Variants in PLEKHA5 observed in about 807,000 individuals in gnomAD.
PLEKHA5 encodes pleckstrin homology domain containing A5, also known as pleckstrin homology domain-containing family A member 5.
In PLEKHA5, 55 loss-of-function variants were observed where a neutral mutation model predicts 181.9. The observed-to-expected ratio is 0.30, with a 90% CI of 0.24 to 0.38. The LOEUF (loss-of-function observed/expected upper bound fraction) is 0.38. Among genes scored for constraint, PLEKHA5 ranks in the 10% least tolerant of loss-of-function variants. The pLI, the probability that PLEKHA5 is intolerant of heterozygous loss-of-function variation, is 1.00. For synonymous variants in PLEKHA5, 535 were observed against 529.4 expected (o/e 1.01, Z -0.15); for missense variants, 1,432 against 1,549.5 (o/e 0.92, Z 1.27).
chr12:19,182,470 G>A (rs545546302), intron 3 of PLEKHA5, among the ~76,000 whole-genome samples: 1 of 152,246 alleles, frequency 6.6e-6, no homozygotes, highest in South Asian at 2.1e-4. Context: ...GAACCAAGGT[G>A]GTTTTAGGAA....
chr12:19,235,583 T>C (rs1415471127), intron 3 of PLEKHA5, among the ~76,000 whole-genome samples: 1 of 152,146 alleles, frequency 6.6e-6, no homozygotes, highest in Non-Finnish European at 1.5e-5. Flanking sequence ...CATTATTATG[T>C]TTATTTTCTG....
At chr12:19,177,101 C>G (rs1380804608) in intron 3 of PLEKHA5, among the ~76,000 whole-genome samples, 3 of 152,066 alleles carry the variant, frequency 2.0e-5, no homozygotes, top group African/African-American at 7.2e-5. Flanking sequence ...CTCCTGACCT[C>G]GTGATCTACC....
intron 20 of PLEKHA5, among the ~76,000 whole-genome samples, chr12:19,333,940 A>G (rs1380337463): frequency 6.6e-6 from 1 of 152,114 alleles, no homozygotes; most frequent in African/African-American, 2.4e-5. Context: ...ATAGCCTGGC[A>G]TTCTCTACTT....
At position 19,261,035 on chromosome 12, in the gene PLEKHA5, A is replaced by ACTG; in HGVS notation, c.610+15_610+17dup. 6.8e-7 allele frequency: 1 copy of ACTG among 1,463,704 alleles called. No homozygotes were observed. Among genetic ancestry groups the ACTG allele is most frequent in the South Asian group, 1.2e-5 (1 of 83,656 alleles). The allele number at this position is 1,463,704 out of a possible 1,614,324, so 90.7% of individuals were successfully genotyped here. On this transcript the variant is annotated intron_variant, in intron 7 of 31. Transcript: ENST00000429027. The stretch of plus-strand genomic sequence containing the variant: ...TTTATTATAGAGGTAAGTTTACCCT[A>ACTG]CTGTCTTAGTGTATTATTTTGTAAT...
chr12:19,198,290 C>T (rs2053412092), intron 3 of PLEKHA5, among the ~76,000 whole-genome samples: 1 of 152,210 alleles, frequency 6.6e-6, no homozygotes, highest in Non-Finnish European at 1.5e-5. Context: ...GTTTTCCTCT[C>T]ACCCTACCAT....
chr12:19,274,043 T>C (rs1016439160), intron 10 of PLEKHA5, among the ~76,000 whole-genome samples: 2 of 152,186 alleles, frequency 1.3e-5, no homozygotes, highest in African/African-American at 4.8e-5. Context: ...GAGTTAATTA[T>C]ATGGTTCAGA....
chr12:19,132,773 C>CTTTTT (rs59992820), intron 3 of PLEKHA5, among the ~76,000 whole-genome samples: 4 of 112,122 alleles, frequency 3.6e-5, no homozygotes, highest in Non-Finnish European at 3.4e-5. Context: ...CCACAATTAC[C>CTTTTT]TTTTTTTTTT....
intron 28 of PLEKHA5, among the ~76,000 whole-genome samples, chr12:19,360,880 C>G (rs374651707): frequency 1.4e-3 from 212 of 151,968 alleles, no homozygotes; most frequent in Middle Eastern, 3.4e-3. Context: ...CTTAGCCTCC[C>G]AAGTAGCTAG....
At chr12:19,223,810 G>C (rs2059325382) in intron 3 of PLEKHA5, among the ~76,000 whole-genome samples, 1 of 152,146 alleles carries the variant, frequency 6.6e-6, no homozygotes, top group African/African-American at 2.4e-5. Flanking sequence ...CCTTCACTGT[G>C]AGGGAGGAAG....
At chr12:19,249,386 T>C (rs2152508210) in intron 3 of PLEKHA5, among the ~76,000 whole-genome samples, 1 of 152,148 alleles carries the variant, frequency 6.6e-6, no homozygotes, top group East Asian at 1.9e-4. Context: ...GCATCGACAG[T>C]TTAGAGACAC....
At position 19,269,774 on chromosome 12, in the gene PLEKHA5, C is replaced by T. The variant is rs1329669569; in HGVS notation, c.716C>T (p.Ala239Val). 3.9e-6 allele frequency: 6 copies of T among 1,533,910 alleles called. No individual in the cohort carries two copies. The highest frequency in any genetic ancestry group is 4.5e-6 in the Non-Finnish European group (5 of 1,113,512). The change falls in exon 9 of 32, where the codon GCC becomes GTC. Residue 239 changes from alanine (A) to valine (V), a missense_variant. Around this residue, in one of 2 missense-constraint regions of PLEKHA5, gnomAD observed 289 missense variants for 381.1 expected, o/e 0.76. Coordinates refer to ENST00000429027, the MANE Select transcript of PLEKHA5 (RefSeq NM_001256470.2). ...GATCGTGTCATTTTCAATCAGGCAG[C>T]CCATCCAAACATGCGGACCTATTAT... is the stretch of plus-strand genomic sequence containing the variant. ...HINRKYAFKA[A>V]HPNMRTYYFC... is the part of the protein sequence containing the mutation.
chr12:19,283,121 T>G (rs1684462835), intron 11 of PLEKHA5, among the ~76,000 whole-genome samples, 159 bp from the exon 12 acceptor site: 1 of 109,762 alleles, frequency 9.1e-6, no homozygotes, highest in Non-Finnish European at 1.7e-5. Flanking sequence ...CACTCCAGCT[T>G]GGGCAACAGA....
chr12:19,358,561 A>G, intron 27 of PLEKHA5, 124 bp downstream of exon 27: 1 of 625,322 alleles, frequency 1.6e-6, no homozygotes. Flanking sequence ...TATATTATTT[A>G]ATTCTCCTAA....
At chr12:19,254,406 C>G (rs970936091) in intron 4 of PLEKHA5, among the ~76,000 whole-genome samples, 1 of 152,132 alleles carries the variant, frequency 6.6e-6, no homozygotes, top group African/African-American at 2.4e-5. Flanking sequence ...TACTATAAAG[C>G]TATTCACAGA....
At chr12:19,284,165 C>G (rs1453300844) in intron 12 of PLEKHA5, among the ~76,000 whole-genome samples, 2 of 152,036 alleles carry the variant, frequency 1.3e-5, no homozygotes, top group Non-Finnish European at 2.9e-5. Context: ...GCCTCCCGGG[C>G]TCAAGCGATT....
At chr12:19,264,991 A>C (rs2069831650) in intron 7 of PLEKHA5, among the ~76,000 whole-genome samples, 2 of 152,184 alleles carry the variant, frequency 1.3e-5, no homozygotes, top group South Asian at 4.1e-4. Flanking sequence ...TGTCAAGATT[A>C]ATGTTTATCA....
chr12:19,233,313 C>T (rs561994893), intron 3 of PLEKHA5, among the ~76,000 whole-genome samples: 1 of 152,118 alleles, frequency 6.6e-6, no homozygotes, highest in African/African-American at 2.4e-5. Flanking sequence ...TTTTCTCGTA[C>T]TAGTATTTTT....
Position 19,347,126 on chromosome 12 carries a change from C to G in PLEKHA5, c.2842C>G (p.Pro948Ala), listed in dbSNP as rs371972893. 1 of 1,549,796 alleles carries G rather than the reference C, an allele frequency of 6.5e-7. No homozygotes were observed. The highest frequency in any genetic ancestry group is 2.4e-5 in the East Asian group (1 of 40,880). The change falls in exon 24 of 32, where the codon CCT (proline) becomes GCT (alanine). Residue 948 changes from proline to alanine, a missense_variant. By Grantham distance (27) the Pro-to-Ala change is conservative. This residue lies in a region of PLEKHA5 where 1,143 missense variants were observed against 1,168.4 expected (regional missense o/e 0.98). Transcript: ENST00000429027. The part of the protein sequence containing the change: ...LCYSRGPVHL[P>A]EEKKMYQVQG... ...TTATAGCAGGGGCCCAGTTCATCTG[C>G]CTGAAGAAAAGAAGATGTATCAAGT...
chr12:19,176,571 C>T (rs75189071), intron 3 of PLEKHA5: 9,665 of 152,176 alleles, frequency 0.064, 347 homozygotes, highest in South Asian at 0.11. Context: ...GGACTATAGG[C>T]GTGAGCCACC....
Sources: gnomAD v4.1 joint callset for allele counts (sites outside exome capture counted in the v4.1 genomes callset) on GRCh38, gnomAD v4.1.1 for gene constraint, gnomAD v4.1.1 regional missense constraint, MANE v1.5 for transcripts, NCBI Gene and HGNC (gene_info 2026-07-23, HGNC 2026-07-21) for gene names.